Variants in JMJD1C observed in about 807,000 individuals in gnomAD.
JMJD1C encodes jumonji domain containing 1C.
Under a neutral mutation model 245.3 loss-of-function variants are expected in JMJD1C, and 31 were observed. That is an observed-to-expected ratio of 0.13 (90% CI 0.09 to 0.17). The LOEUF (loss-of-function observed/expected upper bound fraction) is 0.17, where lower values mean the gene tolerates loss of function less well. Ranked by LOEUF, JMJD1C falls within the 10% of genes least tolerant of loss-of-function variation. The probability of loss-of-function intolerance (pLI) is 1.00; values close to 1 mark genes in which losing one functional copy is unlikely to be tolerated. For synonymous variants in JMJD1C, 1,057 were observed against 1,017.4 expected, an observed-to-expected ratio of 1.04 and a Z score of -0.74; for missense variants, 2,691 against 3,000.2, an observed-to-expected ratio of 0.90 and a Z score of 2.41.
intron 2 of JMJD1C, among the ~76,000 whole-genome samples, chr10:63,278,685 CA>C (rs928274800): frequency 4.6e-5 from 7 of 150,734 alleles, no homozygotes; most frequent in African/African-American, 1.2e-4. Flanking sequence ...ACTAAAAATA[CA>C]AAATTAGTCA....
chr10:63,482,906 G>A (rs1953873927), intron 1 of JMJD1C, among the ~76,000 whole-genome samples: 1 of 152,104 alleles, frequency 6.6e-6, no homozygotes, highest in Non-Finnish European at 1.5e-5. Context: ...GTAACAGCCC[G>A]TTTGCTTTTT....
At chr10:63,245,364 TA>T (rs1852059426) in intron 3 of JMJD1C, among the ~76,000 whole-genome samples, 1 of 151,450 alleles carries the variant, frequency 6.6e-6, no homozygotes, top group African/African-American at 2.4e-5. Flanking sequence ...TTAATAGACT[TA>T]CAGTTCCACA....
intron 2 of JMJD1C, among the ~76,000 whole-genome samples, chr10:63,332,993 C>T (rs1292533002): frequency 6.6e-6 from 1 of 152,048 alleles, no homozygotes; most frequent in African/African-American, 2.4e-5. Flanking sequence ...ATAAAAAAAG[C>T]AAACCTGTAT....
At chr10:63,333,913 C>A (rs980857979) in intron 2 of JMJD1C, among the ~76,000 whole-genome samples, 14 of 151,962 alleles carry the variant, frequency 9.2e-5, no homozygotes, top group African/African-American at 3.4e-4. Flanking sequence ...TATCTATAGA[C>A]AGTTTTCTAA....
At position 63,299,661 on chromosome 10, in the gene JMJD1C, T is replaced by TA. The variant is rs545506073; in HGVS notation, c.334-34898dup. Among the ~76,000 whole-genome samples, 111 of 152,184 alleles carry TA rather than the reference T, an allele frequency of 7.3e-4. 1 individual carries two copies. The highest frequency in any genetic ancestry group is 2.5e-3 in the South Asian group (12 of 4,814). Reference sequence around the variant, plus strand: ...GATACTGCTGCCCATAGTTTTTGTATAAAAAAACTATTAATTGATAATCTT... The same window carrying TA: ...GATACTGCTGCCCATAGTTTTTGTATAAAAAAAACTATTAATTGATAATCTT... On this transcript the variant is annotated intron_variant, in intron 2 of 25. Transcript: ENST00000399262.
chr10:63,224,122 C>T (rs1848965948), intron 3 of JMJD1C, among the ~76,000 whole-genome samples: 1 of 152,090 alleles, frequency 6.6e-6, no homozygotes, highest in Non-Finnish European at 1.5e-5. Context: ...AAATATTTTT[C>T]CAACAATAAA....
intron 1 of JMJD1C, among the ~76,000 whole-genome samples, chr10:63,509,637 G>A (rs979598566): frequency 1.3e-5 from 2 of 152,162 alleles, no homozygotes; most frequent in Non-Finnish European, 2.9e-5. Context: ...ACTTTTGGCA[G>A]ATTGTACCTT....
At chr10:63,273,712 G>A (rs1017745633) in intron 2 of JMJD1C, among the ~76,000 whole-genome samples, 1 of 152,158 alleles carries the variant, frequency 6.6e-6, no homozygotes, top group Non-Finnish European at 1.5e-5. Flanking sequence ...GCTAGGGGAA[G>A]AGGAAACTAC....
intron 2 of JMJD1C, among the ~76,000 whole-genome samples, chr10:63,368,132 T>C (rs1946008698): frequency 1.3e-5 from 2 of 152,192 alleles, no homozygotes; most frequent in Admixed American, 6.5e-5. Flanking sequence ...CTGGAGCTTA[T>C]AGGAAAACCA....
intron 2 of JMJD1C, among the ~76,000 whole-genome samples, chr10:63,306,663 A>C (rs1304895034): frequency 6.6e-6 from 1 of 152,238 alleles, no homozygotes; most frequent in East Asian, 1.9e-4. Context: ...ATATAAGTAC[A>C]ATGACCTTAT....
At chr10:63,251,456 TAAC>T (rs934510879) in intron 3 of JMJD1C, among the ~76,000 whole-genome samples, 2 of 152,218 alleles carry the variant, frequency 1.3e-5, no homozygotes, top group Non-Finnish European at 2.9e-5. Flanking sequence ...CATTTATAAT[TAAC>T]AACTTTTATT....
intron 2 of JMJD1C, among the ~76,000 whole-genome samples, chr10:63,273,023 A>C (rs890392608): frequency 5.9e-5 from 9 of 152,268 alleles, no homozygotes; most frequent in Admixed American, 5.2e-4. Context: ...AACAATACTG[A>C]AAAACCAAAC....
intron 2 of JMJD1C, among the ~76,000 whole-genome samples, chr10:63,326,426 A>AAATAT (rs1941524408): frequency 6.8e-6 from 1 of 147,892 alleles, no homozygotes; most frequent in African/African-American, 2.6e-5. Flanking sequence ...ATAAATAAAT[A>AAATAT]AAGATAATAA....
intron 2 of JMJD1C, among the ~76,000 whole-genome samples, chr10:63,377,953 T>C (rs1946896380): frequency 6.7e-6 from 1 of 149,496 alleles, no homozygotes; most frequent in African/African-American, 2.4e-5. Context: ...GCAATATGTT[T>C]CATAAGAAAA....
At chr10:63,401,033 A>G (rs1049502795) in intron 1 of JMJD1C, among the ~76,000 whole-genome samples, 1 of 150,696 alleles carries the variant, frequency 6.6e-6, no homozygotes, top group Non-Finnish European at 1.5e-5. Context: ...TAATTTTTGT[A>G]TTTTTAGTAG....
intron 1 of JMJD1C, among the ~76,000 whole-genome samples, chr10:63,394,266 G>C (rs1228094726): frequency 6.7e-6 from 1 of 149,602 alleles, no homozygotes; most frequent in Non-Finnish European, 1.5e-5. Flanking sequence ...AGAGAATAAA[G>C]TCCAGAAACA....
intron 24 of JMJD1C, among the ~76,000 whole-genome samples, chr10:63,173,283 TACCCAAATGTAGGACCTCAA>T (rs1430194411): frequency 6.6e-6 from 1 of 152,202 alleles, no homozygotes; most frequent in East Asian, 1.9e-4. Context: ...CTACATTGCA[TACCCAAATGTAGGACCTCAA>T]ACTATAATGG....
At chr10:63,445,084 T>G (rs1951629571) in intron 1 of JMJD1C, among the ~76,000 whole-genome samples, 1 of 151,892 alleles carries the variant, frequency 6.6e-6, no homozygotes, top group East Asian at 1.9e-4. Flanking sequence ...TTAAAAAAAA[T>G]TAGCTGGGTG....
chr10:63,279,514 G>C (rs1857173256), intron 2 of JMJD1C, among the ~76,000 whole-genome samples: 1 of 152,176 alleles, frequency 6.6e-6, no homozygotes, highest in African/African-American at 2.4e-5. Context: ...AGAGGCCAAG[G>C]GCCAGGGGCT....
Sources: allele counts gnomAD v4.1 joint callset (sites outside exome capture counted in the v4.1 genomes callset), GRCh38; gene constraint gnomAD v4.1.1; transcripts MANE v1.5; gene names NCBI Gene and HGNC (gene_info 2026-07-23, HGNC 2026-07-21).